The following CRISP3 variants were observed in gnomAD, a reference collection of about 807,000 sequenced individuals.
CRISP3 encodes the protein cysteine-rich secretory protein 3.
CRISP3 carries 33 observed loss-of-function variants against 36.1 expected under a neutral mutation model. That is an observed-to-expected ratio of 0.91 (90% CI 0.69 to 1.22). The LOEUF (loss-of-function observed/expected upper bound fraction) is 1.22. Ranked by LOEUF, CRISP3 falls within the 50% of genes most tolerant of loss-of-function variation. CRISP3 has a pLI of 0.00. For missense variants in CRISP3, 330 were observed against 301.2 expected, an observed-to-expected ratio of 1.10 and a Z score of -0.71; for synonymous variants, 117 against 104.6, an observed-to-expected ratio of 1.12 and a Z score of -0.72.
intron 1 of CRISP3, 67 bp from the exon 2 acceptor site, chr6:49,737,465 A>G (rs1289121736): frequency 6.4e-7 from 1 of 1,553,866 alleles, no homozygotes; most frequent in Non-Finnish European, 8.8e-7. Flanking sequence ...GTTGAGTAAC[A>G]TGGGGGTGGG....
chr6:49,729,550 C>T (rs968963604), intron 7 of CRISP3, among the ~76,000 whole-genome samples: 1 of 152,176 alleles, frequency 6.6e-6, no homozygotes, highest in Non-Finnish European at 1.5e-5. Flanking sequence ...ACAAGCTTGA[C>T]ATTTCCTTAT....
intron 7 of CRISP3, 126 bp downstream of exon 7, chr6:49,731,036 AC>A (rs1414529554): frequency 4.8e-6 from 3 of 631,120 alleles, no homozygotes; most frequent in Admixed American, 6.9e-5. Flanking sequence ...AGCCAGACAG[AC>A]TTTTTTTTCC....
chr6:49,730,817 G>T (rs1449214505), intron 7 of CRISP3, among the ~76,000 whole-genome samples: 1 of 152,208 alleles, frequency 6.6e-6, no homozygotes, highest in Admixed American at 6.5e-5. Flanking sequence ...GAGGTGGGCA[G>T]ATCGCTTGAT....
At chr6:49,730,109 G>T (rs1283022015) in intron 7 of CRISP3, among the ~76,000 whole-genome samples, 2 of 152,034 alleles carry the variant, frequency 1.3e-5, no homozygotes, top group African/African-American at 4.8e-5. Context: ...TCAGGTGAAT[G>T]CATTTGAAAG....
In CRISP3 at chr6:49,735,539, T is replaced by A. The variant is rs753807082; in HGVS notation, c.281A>T (p.Asn94Ile). 1.2e-6 allele frequency: 2 copies of A among 1,612,728 alleles called. No individual in the cohort carries two copies. The highest frequency in any genetic ancestry group is 2.2e-5 in the South Asian group (2 of 90,958). The change falls in exon 4 of 8, where the codon AAT (asparagine) becomes ATT (isoleucine). Residue 94 changes from asparagine (N) to isoleucine (I), a missense_variant. By Grantham distance (149) the Asn-to-Ile change is moderately radical. Transcript: ENST00000263045. The stretch of plus-strand genomic sequence containing the variant: ...ATCCTTTGGGTTACTGTGTCTGTAA[T>A]TGCACTGGTTTGCCCACTTTTGGGC... ...ANAQKWANQC[N>I]YRHSNPKDRM...
intron 1 of CRISP3, among the ~76,000 whole-genome samples, chr6:49,738,579 G>A (rs557435028): frequency 2.2e-4 from 33 of 152,186 alleles, no homozygotes; most frequent in South Asian, 2.1e-4. Context: ...CAGCTCTGGG[G>A]GCTGGGACTG....
intron 1 of CRISP3, among the ~76,000 whole-genome samples, chr6:49,739,051 G>T (rs143231319): frequency 5.9e-4 from 90 of 151,790 alleles, no homozygotes; most frequent in African/African-American, 2.1e-3. Flanking sequence ...TGCAGATCTG[G>T]AGCTCCAGAA....
At chr6:49,739,316 C>G (rs192789975) in intron 1 of CRISP3, among the ~76,000 whole-genome samples, 106 of 152,264 alleles carry the variant, frequency 7.0e-4, no homozygotes, top group African/African-American at 2.3e-3. Context: ...TTTGTACACT[C>G]TATTCAGGAT....
intron 2 of CRISP3, among the ~76,000 whole-genome samples, chr6:49,737,078 C>T (rs560194251): frequency 2.6e-5 from 4 of 152,206 alleles, no homozygotes; most frequent in African/African-American, 9.6e-5. Context: ...AAAAAATCTC[C>T]AAGGCAATTT....
chr6:49,730,446 T>A (rs1768887462), intron 7 of CRISP3, among the ~76,000 whole-genome samples: 1 of 152,124 alleles, frequency 6.6e-6, no homozygotes, highest in African/African-American at 2.4e-5. Flanking sequence ...TTCATTAGCA[T>A]ATGAGGAATT....
At chr6:49,734,838 C>T (rs923298591) in intron 4 of CRISP3, among the ~76,000 whole-genome samples, 39 of 152,140 alleles carry the variant, frequency 2.6e-4, no homozygotes, top group Admixed American at 2.3e-3. Context: ...TCTGATAGCT[C>T]ATCCATATGA....
chr6:49,733,428 G>C (rs1768965034), intron 5 of CRISP3, 136 bp from the exon 6 acceptor site: 2 of 648,664 alleles, frequency 3.1e-6, no homozygotes, highest in Non-Finnish European at 5.2e-6. Context: ...GCTATATTTA[G>C]TTAAATTATT....
chr6:49,737,278 C>T (rs1769079063), intron 2 of CRISP3, 47 bp downstream of exon 2: 2 of 1,511,724 alleles, frequency 1.3e-6, no homozygotes, highest in Non-Finnish European at 1.8e-6. Context: ...CTTGCCATCC[C>T]TCATGGTTGC....
chr6:49,739,001 GA>G lies in CRISP3; in HGVS notation c.38-1604del, dbSNP rs78282683. ...GCATTAATAAATACACTTGAAGTCT[GA>G]AAAAAAAAAAGAATCCACGAAAAAT... On this transcript the variant is annotated intron_variant, in intron 1 of 7. Transcript: ENST00000263045. Among the ~76,000 whole-genome samples the G allele has an allele frequency of 8.1e-3, 1,179 of 145,198 alleles. 13 individuals are homozygous for G. The highest frequency in any genetic ancestry group is 0.027 in the African/African-American group (1,078 of 39,740).
At chr6:49,729,180 C>A (rs201458274) in intron 7 of CRISP3, among the ~76,000 whole-genome samples, 3 of 151,732 alleles carry the variant, frequency 2.0e-5, no homozygotes, top group Admixed American at 6.6e-5. Context: ...ATTTGTCATG[C>A]GGTTGTTTAA....
At chr6:49,737,679 A>C (rs563784662) in intron 1 of CRISP3, among the ~76,000 whole-genome samples, 7 of 152,272 alleles carry the variant, frequency 4.6e-5, no homozygotes, top group African/African-American at 1.7e-4. Context: ...CTTCTTCCGC[A>C]GCTCCGCAGT....
At chr6:49,739,162 C>T (rs1304709336) in intron 1 of CRISP3, among the ~76,000 whole-genome samples, 1 of 152,192 alleles carries the variant, frequency 6.6e-6, no homozygotes, top group African/African-American at 2.4e-5. Flanking sequence ...GCCCTAACTC[C>T]TAGTGTGCTG....
intron 4 of CRISP3, among the ~76,000 whole-genome samples, chr6:49,734,802 T>A (rs2127451574): frequency 6.6e-6 from 1 of 152,292 alleles, no homozygotes; most frequent in South Asian, 2.1e-4. Context: ...ACCTATGTTA[T>A]TTTTGATAAT....
intron 4 of CRISP3, 142 bp downstream of exon 4, chr6:49,735,362 T>A (rs1247517197): frequency 5.0e-6 from 3 of 604,064 alleles, no homozygotes; most frequent in Non-Finnish European, 8.6e-6. Flanking sequence ...CTCAGAGTTA[T>A]CTCTACATGT....
Sources: allele counts gnomAD v4.1 joint callset (sites outside exome capture counted in the v4.1 genomes callset), GRCh38; gene constraint gnomAD v4.1.1; transcripts MANE v1.5; gene names NCBI Gene and HGNC (gene_info 2026-07-23, HGNC 2026-07-21).